ROBO1: variants seen among roughly 807,000 people sequenced by gnomAD.
ROBO1 encodes the protein roundabout homolog 1.
A neutral mutation model predicts 195.9 loss-of-function variants in ROBO1; 149 were observed. The observed-to-expected ratio is 0.76, with a 90% CI of 0.67 to 0.87. The LOEUF (loss-of-function observed/expected upper bound fraction) is 0.87, where lower values mean the gene tolerates loss of function less well. Among genes scored for constraint, ROBO1 ranks in the 40% least tolerant of loss-of-function variants. ROBO1 has a pLI of 0.00. For missense variants in ROBO1, 1,933 were observed against 2,068.3 expected, an observed-to-expected ratio of 0.93 and a Z score of 1.27; for synonymous variants, 816 against 733.2, an observed-to-expected ratio of 1.11 and a Z score of -1.82.
At chr3:78,918,017 T>C (rs936573571) in intron 4 of ROBO1, among the ~76,000 whole-genome samples, 1 of 152,182 alleles carries the variant, frequency 6.6e-6, no homozygotes, top group African/African-American at 2.4e-5. Flanking sequence ...AGCCCAGAAA[T>C]GCACATGGAA....
intron 2 of ROBO1, among the ~76,000 whole-genome samples, chr3:79,402,885 A>T (rs2037415727): frequency 1.3e-5 from 2 of 152,124 alleles, no homozygotes; most frequent in East Asian, 3.9e-4. Context: ...TATTTATAGT[A>T]TAAGAAATTT....
At chr3:79,325,655 TG>T (rs1389682891) in intron 2 of ROBO1, among the ~76,000 whole-genome samples, 1 of 152,226 alleles carries the variant, frequency 6.6e-6, no homozygotes, top group Non-Finnish European at 1.5e-5. Flanking sequence ...CTGTCTTTAC[TG>T]CAATCTCTAA....
At chr3:78,984,217 C>T (rs775303403) in intron 3 of ROBO1, among the ~76,000 whole-genome samples, 4 of 152,018 alleles carry the variant, frequency 2.6e-5, no homozygotes, top group Non-Finnish European at 5.9e-5. Context: ...ATGACAATGA[C>T]CATGATAATT....
chr3:78,818,301 G>GT (rs2030374161), intron 4 of ROBO1, among the ~76,000 whole-genome samples: 1 of 152,152 alleles, frequency 6.6e-6, no homozygotes, highest in Non-Finnish European at 1.5e-5. Context: ...TGTGAGGCCA[G>GT]TGCTCTGCAG....
intron 26 of ROBO1, among the ~76,000 whole-genome samples, chr3:78,618,266 T>C (rs1704247860): frequency 6.6e-6 from 1 of 152,222 alleles, no homozygotes; most frequent in Non-Finnish European, 1.5e-5. Flanking sequence ...TCAAGTTTAA[T>C]AGAAATATAG....
At chr3:79,052,268 G>A (rs887752690) in intron 3 of ROBO1, among the ~76,000 whole-genome samples, 6 of 151,998 alleles carry the variant, frequency 3.9e-5, no homozygotes, top group Admixed American at 3.3e-4. Flanking sequence ...GATGAAATAC[G>A]CCCTCGTCTC....
At chr3:79,101,431 G>A (rs1237602714) in intron 3 of ROBO1, among the ~76,000 whole-genome samples, 3 of 151,790 alleles carry the variant, frequency 2.0e-5, no homozygotes, top group Admixed American at 1.3e-4. Flanking sequence ...ATTTGAGGAC[G>A]TTACTGAACA....
chr3:78,814,594 G>T (rs1227666231), intron 4 of ROBO1, among the ~76,000 whole-genome samples: 1 of 151,868 alleles, frequency 6.6e-6, no homozygotes, highest in African/African-American at 2.4e-5. Flanking sequence ...GACAAGACCT[G>T]TAAGATAAAA....
chr3:79,327,931 A>C (rs146983821), intron 2 of ROBO1, among the ~76,000 whole-genome samples: 251 of 152,326 alleles, frequency 1.6e-3, no homozygotes, highest in African/African-American at 5.7e-3. Context: ...GCTTTGGTAT[A>C]CTGTAACAAG....
chr3:79,675,777 T>C (rs1402611705), intron 1 of ROBO1, among the ~76,000 whole-genome samples: 3 of 152,094 alleles, frequency 2.0e-5, no homozygotes, highest in Non-Finnish European at 4.4e-5. Flanking sequence ...TTGATGCTTA[T>C]GAAATTTCAA....
intron 2 of ROBO1, among the ~76,000 whole-genome samples, chr3:79,206,347 T>G (rs1016140687): frequency 6.6e-6 from 1 of 152,230 alleles, no homozygotes; most frequent in African/African-American, 2.4e-5. Flanking sequence ...ACAAGACTAC[T>G]GTGCTGGCAA....
chr3:79,152,521 T>C (rs981260778), intron 2 of ROBO1, among the ~76,000 whole-genome samples: 4 of 151,856 alleles, frequency 2.6e-5, no homozygotes, highest in African/African-American at 9.7e-5. Context: ...ATAACACTGC[T>C]TTAGGTATCT....
At chr3:78,914,349 C>T (rs375980993) in intron 4 of ROBO1, among the ~76,000 whole-genome samples, 53 of 152,098 alleles carry the variant, frequency 3.5e-4, no homozygotes, top group East Asian at 1.3e-3. Context: ...GAGAAACATA[C>T]GCAAATTCAA....
chr3:78,907,725 T>TA (rs2038008395), intron 4 of ROBO1, among the ~76,000 whole-genome samples: 1 of 152,036 alleles, frequency 6.6e-6, no homozygotes, highest in Non-Finnish European at 1.5e-5. Context: ...AGTTTGACAG[T>TA]AAAAATCATG....
At chr3:79,678,514 T>G (rs1031414038) in intron 1 of ROBO1, among the ~76,000 whole-genome samples, 4 of 152,064 alleles carry the variant, frequency 2.6e-5, no homozygotes, top group Non-Finnish European at 5.9e-5. Flanking sequence ...TGTAGACACT[T>G]TAAAGAATAC....
chr3:79,711,555 T>A (rs1702276731), intron 1 of ROBO1, among the ~76,000 whole-genome samples: 2 of 152,132 alleles, frequency 1.3e-5, no homozygotes, highest in South Asian at 4.1e-4. Flanking sequence ...AATTCTCACA[T>A]CTAATCATAT....
intron 2 of ROBO1, among the ~76,000 whole-genome samples, chr3:79,462,650 G>C (rs1200334386): frequency 6.6e-6 from 1 of 152,146 alleles, no homozygotes; most frequent in Non-Finnish European, 1.5e-5. Context: ...AGAATATAAA[G>C]CTTTTCAAAC....
chr3:78,773,039 T>C (rs1250341184), intron 4 of ROBO1, among the ~76,000 whole-genome samples: 1 of 152,094 alleles, frequency 6.6e-6, no homozygotes, highest in African/African-American at 2.4e-5. Flanking sequence ...GAAAAAGTAA[T>C]ACTTAACACT....
chr3:79,673,444 G>T (rs921224307), intron 1 of ROBO1, among the ~76,000 whole-genome samples: 1 of 151,870 alleles, frequency 6.6e-6, no homozygotes, highest in Non-Finnish European at 1.5e-5. Flanking sequence ...TAAATAACAG[G>T]TACTGGCTAG....
Sources: allele counts gnomAD v4.1 joint callset (sites outside exome capture counted in the v4.1 genomes callset), GRCh38; gene constraint gnomAD v4.1.1; transcripts MANE v1.5; gene names NCBI Gene and HGNC (gene_info 2026-07-23, HGNC 2026-07-21).